ZBTB7C: variants seen among roughly 807,000 people sequenced by gnomAD.
ZBTB7C encodes zinc finger and BTB domain-containing protein 7C.
In ZBTB7C, 8 loss-of-function variants were observed where a neutral mutation model predicts 25.7. That is an observed-to-expected ratio of 0.31 (90% CI 0.18 to 0.56). ZBTB7C has a LOEUF of 0.56. Among genes scored for constraint, ZBTB7C ranks in the 20% least tolerant of loss-of-function variants. ZBTB7C has a pLI of 0.91. For missense variants in ZBTB7C, 824 were observed against 855.2 expected (o/e 0.96, Z 0.46); for synonymous variants, 394 against 369.0 (o/e 1.07, Z -0.78).
chr18:48,380,359 G>A (rs1437755294), intron 1 of ZBTB7C, among the ~76,000 whole-genome samples: 1 of 152,156 alleles, frequency 6.6e-6, no homozygotes, highest in Non-Finnish European at 1.5e-5. Flanking sequence ...CAGATGGTGG[G>A]AGCCAGGTTT....
intron 3 of ZBTB7C, among the ~76,000 whole-genome samples, chr18:48,121,936 T>C (rs1465024843): frequency 6.6e-6 from 1 of 152,110 alleles, no homozygotes; most frequent in Admixed American, 6.5e-5. Flanking sequence ...CCCATGGATG[T>C]GGAGGATACA....
chr18:48,086,784 G>A (rs1426558832), intron 3 of ZBTB7C, among the ~76,000 whole-genome samples: 1 of 152,200 alleles, frequency 6.6e-6, no homozygotes, highest in Non-Finnish European at 1.5e-5. Flanking sequence ...AATGTGTGAT[G>A]TGCAACAGGC....
intron 2 of ZBTB7C, among the ~76,000 whole-genome samples, chr18:48,234,119 C>G (rs2043319367): frequency 6.6e-6 from 1 of 151,888 alleles, no homozygotes; most frequent in Non-Finnish European, 1.5e-5. Flanking sequence ...ATCCCAATCT[C>G]AATCCTATGT....
chr18:48,082,598 A>G (rs996740218), intron 3 of ZBTB7C, among the ~76,000 whole-genome samples: 1 of 152,076 alleles, frequency 6.6e-6, no homozygotes, highest in African/African-American at 2.4e-5. Flanking sequence ...ATATATGTCT[A>G]TGTATTTTAC....
chr18:48,185,602 G>C (rs146906868), intron 3 of ZBTB7C: 1 of 171,980 alleles, frequency 5.8e-6, no homozygotes, highest in Admixed American at 6.2e-5. Flanking sequence ...TGTACAAACT[G>C]TTTGTGGCCC....
At chr18:48,272,543 A>G (rs1402338297) in intron 2 of ZBTB7C, among the ~76,000 whole-genome samples, 1 of 152,202 alleles carries the variant, frequency 6.6e-6, no homozygotes, top group Non-Finnish European at 1.5e-5. Flanking sequence ...GCAGGTTACC[A>G]CTTCACATTT....
intron 2 of ZBTB7C, among the ~76,000 whole-genome samples, chr18:48,193,618 G>A (rs745530610): frequency 1.3e-5 from 2 of 152,210 alleles, no homozygotes; most frequent in African/African-American, 2.4e-5. Context: ...GCAGCGCTGA[G>A]AGCATATCTC....
intron 3 of ZBTB7C, among the ~76,000 whole-genome samples, chr18:48,050,551 C>T (rs890518508): frequency 6.6e-6 from 1 of 152,202 alleles, no homozygotes; most frequent in Non-Finnish European, 1.5e-5. Flanking sequence ...AGCTTTCTTC[C>T]TCTGCTAAGG....
At chr18:48,353,116 G>T (rs1040647940) in intron 1 of ZBTB7C, among the ~76,000 whole-genome samples, 1 of 152,142 alleles carries the variant, frequency 6.6e-6, no homozygotes, top group African/African-American at 2.4e-5. Flanking sequence ...CCTGTATAGG[G>T]CTTTCCTATC....
At chr18:48,240,604 T>C (rs1229109773) in intron 2 of ZBTB7C, among the ~76,000 whole-genome samples, 2 of 152,130 alleles carry the variant, frequency 1.3e-5, no homozygotes, top group Non-Finnish European at 2.9e-5. Flanking sequence ...CTAAGCTTCA[T>C]AAATGAAGGA....
At chr18:48,387,197 C>G (rs1032485526) in intron 1 of ZBTB7C, among the ~76,000 whole-genome samples, 18 of 152,300 alleles carry the variant, frequency 1.2e-4, no homozygotes, top group African/African-American at 4.3e-4. Flanking sequence ...GACAATGAGA[C>G]TACAGAGGCA....
chr18:48,128,205 G>A (rs1286404717), intron 3 of ZBTB7C, among the ~76,000 whole-genome samples: 2 of 152,176 alleles, frequency 1.3e-5, no homozygotes, highest in Admixed American at 6.5e-5. Context: ...CTCCCCGCAA[G>A]GTGCCCTCAC....
At chr18:48,410,222 GC>G (rs1406348813), upstream of ZBTB7C, among the ~76,000 whole-genome samples, 1 of 152,182 alleles carries the variant, frequency 6.6e-6, no homozygotes, top group African/African-American at 2.4e-5. Context: ...GAAACCGCAA[GC>G]TTGCCGCACC....
intron 3 of ZBTB7C, among the ~76,000 whole-genome samples, chr18:48,116,031 A>G (rs1446456975): frequency 6.6e-6 from 1 of 152,070 alleles, no homozygotes; most frequent in Non-Finnish European, 1.5e-5. Context: ...GCGCCTATAT[A>G]TACATGCTAC....
chr18:48,037,759 C>T (rs565396685), intron 4 of ZBTB7C, among the ~76,000 whole-genome samples: 21 of 152,316 alleles, frequency 1.4e-4, no homozygotes, highest in Non-Finnish European at 2.6e-4. Context: ...AGCCATCTGC[C>T]AAGGGGGCAG....
intron 1 of ZBTB7C, among the ~76,000 whole-genome samples, chr18:48,387,126 C>T (rs1322578385): frequency 6.6e-6 from 1 of 152,132 alleles, no homozygotes; most frequent in Non-Finnish European, 1.5e-5. Context: ...TGGGGAATGA[C>T]ATATCATGTC....
At chr18:48,257,473 C>T (rs56121427) in intron 2 of ZBTB7C, among the ~76,000 whole-genome samples, 7,802 of 152,124 alleles carry the variant, frequency 0.051, 273 homozygotes, top group Non-Finnish European at 0.076. Context: ...GTAAATTCTA[C>T]TATTTAAAGA....
At position 48,188,655 on chromosome 18, in the gene ZBTB7C, C is replaced by G. The variant is rs185699557; in HGVS notation, c.-78-2660G>C. On this transcript the variant is annotated intron_variant, in intron 2 of 4. Transcript: ENST00000590800. ...CTGAGCATTGAGAGACAGGATTCTC[C>G]TATTCCCACCTCTTGAAGTCCAAAC... is the stretch of plus-strand genomic sequence containing the variant. Among the ~76,000 whole-genome samples, 19 of 152,310 alleles carry G rather than the reference C, an allele frequency of 1.2e-4. No individual in the cohort carries two copies. In the East Asian group the frequency reaches 3.7e-3, roughly 29 times the overall value.
chr18:48,334,816 G>A (rs1020134672), intron 2 of ZBTB7C, among the ~76,000 whole-genome samples: 2 of 152,214 alleles, frequency 1.3e-5, no homozygotes, highest in African/African-American at 4.8e-5. Flanking sequence ...CTGAGGCTGG[G>A]AGGCAGGAGA....
Sources: gnomAD v4.1 joint callset for allele counts (sites outside exome capture counted in the v4.1 genomes callset) on GRCh38, gnomAD v4.1.1 for gene constraint, MANE v1.5 for transcripts, NCBI Gene and HGNC (gene_info 2026-07-23, HGNC 2026-07-21) for gene names.